The following STAG1 variants were observed in gnomAD, a reference collection of about 807,000 sequenced individuals.
STAG1 encodes STAG1 cohesin complex component, also known as cohesin subunit SA-1.
STAG1 carries 26 observed loss-of-function variants against 170.9 expected under a neutral mutation model. That is an observed-to-expected ratio of 0.15 (90% confidence interval 0.11 to 0.21). The LOEUF is 0.21. Among genes scored for constraint, STAG1 ranks in the 10% least tolerant of loss-of-function variants. STAG1 has a pLI of 1.00. For synonymous variants in STAG1, 514 were observed against 497.7 expected, an observed-to-expected ratio of 1.03 and a Z score of -0.44; for missense variants, 964 against 1,509.5, an observed-to-expected ratio of 0.64 and a Z score of 5.99.
At chr3:136,643,682 T>C (rs1032963732) in intron 1 of STAG1, among the ~76,000 whole-genome samples, 5 of 152,122 alleles carry the variant, frequency 3.3e-5, no homozygotes, top group African/African-American at 1.2e-4. Flanking sequence ...CTAATTTTTG[T>C]GTTTTTTGTA....
intron 16 of STAG1, among the ~76,000 whole-genome samples, chr3:136,429,337 G>A (rs998881262): frequency 2.6e-5 from 4 of 152,154 alleles, no homozygotes; most frequent in African/African-American, 9.7e-5. Flanking sequence ...AACCCGGGAG[G>A]TGGAGGTTGC....
At chr3:136,364,293 G>C (rs1936990365) in intron 25 of STAG1, among the ~76,000 whole-genome samples, 1 of 151,734 alleles carries the variant, frequency 6.6e-6, no homozygotes, top group African/African-American at 2.4e-5. Context: ...ATGTTGGCCA[G>C]GCTGGTCTTG....
intron 1 of STAG1, among the ~76,000 whole-genome samples, chr3:136,634,842 G>C (rs1182236645): frequency 6.6e-6 from 1 of 152,018 alleles, no homozygotes; most frequent in Non-Finnish European, 1.5e-5. Flanking sequence ...AAAAAAGAGA[G>C]AAGGGGCAAA....
chr3:136,621,499 G>A (rs1939846847), intron 3 of STAG1, among the ~76,000 whole-genome samples: 1 of 152,132 alleles, frequency 6.6e-6, no homozygotes, highest in African/African-American at 2.4e-5. Flanking sequence ...GCTTCCAAGT[G>A]CAAAACTCTC....
At chr3:136,346,443 C>T (rs953514315) in intron 29 of STAG1, among the ~76,000 whole-genome samples, 1 of 152,140 alleles carries the variant, frequency 6.6e-6, no homozygotes, top group African/African-American at 2.4e-5. Context: ...GTGCATGCAA[C>T]CCATCTTAGT....
At chr3:136,711,323 A>G (rs1366035239) in intron 1 of STAG1, among the ~76,000 whole-genome samples, 2 of 152,138 alleles carry the variant, frequency 1.3e-5, no homozygotes, top group South Asian at 2.1e-4. Flanking sequence ...TGGAAATGCA[A>G]AAGAACAGAC....
At chr3:136,349,014 C>A in intron 29 of STAG1, 144 bp downstream of exon 29, 1 of 663,082 alleles carries the variant, frequency 1.5e-6, no homozygotes, top group Non-Finnish European at 2.6e-6. Flanking sequence ...CTGTTTCAAC[C>A]TTTTTGCCTT....
At chr3:136,610,094 G>A (rs571990826) in intron 3 of STAG1, among the ~76,000 whole-genome samples, 1 of 151,844 alleles carries the variant, frequency 6.6e-6, no homozygotes, top group Non-Finnish European at 1.5e-5. Flanking sequence ...GAGTACAGTG[G>A]TGCGATCTCA....
intron 1 of STAG1, among the ~76,000 whole-genome samples, chr3:136,702,181 T>C (rs1312640665): frequency 6.6e-6 from 1 of 151,418 alleles, no homozygotes; most frequent in Non-Finnish European, 1.5e-5. Flanking sequence ...GTGGTGTGTG[T>C]GTAAAGACAT....
At chr3:136,415,805 G>C (rs2087755288) in intron 21 of STAG1, among the ~76,000 whole-genome samples, 1 of 151,994 alleles carries the variant, frequency 6.6e-6, no homozygotes, top group Non-Finnish European at 1.5e-5. Flanking sequence ...CTGGGTGACA[G>C]AGCGAGACTC....
intron 4 of STAG1, among the ~76,000 whole-genome samples, chr3:136,574,017 C>T (rs1188652031): frequency 1.3e-5 from 2 of 151,938 alleles, no homozygotes; most frequent in South Asian, 4.2e-4. Flanking sequence ...CCGAGGCAGG[C>T]GGATCAACAG....
At chr3:136,368,663 G>C (rs192731825) in intron 24 of STAG1, among the ~76,000 whole-genome samples, 20 of 152,224 alleles carry the variant, frequency 1.3e-4, no homozygotes, top group African/African-American at 4.8e-4. Context: ...GTGTGAGATG[G>C]ATAATATGAA....
intron 21 of STAG1, among the ~76,000 whole-genome samples, chr3:136,412,662 G>A (rs1249142509): frequency 6.6e-6 from 1 of 152,114 alleles, no homozygotes; most frequent in African/African-American, 2.4e-5. Flanking sequence ...TAAACATGCA[G>A]ATCAGACAAA....
chr3:136,651,101 A>T (rs1941202702), intron 1 of STAG1, among the ~76,000 whole-genome samples: 1 of 152,168 alleles, frequency 6.6e-6, no homozygotes, highest in Non-Finnish European at 1.5e-5. Flanking sequence ...ACTGTGGCTC[A>T]CACCTGTAAT....
chr3:136,593,171 G>A (rs1217524486), intron 4 of STAG1, among the ~76,000 whole-genome samples: 3 of 152,094 alleles, frequency 2.0e-5, no homozygotes, highest in African/African-American at 7.2e-5. Flanking sequence ...CTGGTCACTC[G>A]CGCATGTTTT....
intron 5 of STAG1, among the ~76,000 whole-genome samples, chr3:136,546,496 A>C (rs2107732518): frequency 6.6e-6 from 1 of 152,346 alleles, no homozygotes; most frequent in Admixed American, 6.5e-5. Flanking sequence ...TTTTAGTCAT[A>C]GGGAACTAAA....
intron 7 of STAG1, among the ~76,000 whole-genome samples, chr3:136,508,199 T>A (rs921778776): frequency 5.2e-4 from 79 of 152,318 alleles, no homozygotes; most frequent in African/African-American, 1.9e-3. Flanking sequence ...AATTACTTAA[T>A]CAAACACTAA....
intron 32 of STAG1, among the ~76,000 whole-genome samples, chr3:136,339,590 A>G (rs996635452): frequency 1.3e-5 from 2 of 152,182 alleles, no homozygotes; most frequent in African/African-American, 4.8e-5. Flanking sequence ...CTTAGAAAAT[A>G]CACAGAAAAA....
At chr3:136,728,454 C>T (rs1933813227) in intron 1 of STAG1, among the ~76,000 whole-genome samples, 1 of 152,162 alleles carries the variant, frequency 6.6e-6, no homozygotes, top group African/African-American at 2.4e-5. Context: ...CTTCTAATTA[C>T]TACCTATATA....
Sources: allele counts gnomAD v4.1 joint callset (sites outside exome capture counted in the v4.1 genomes callset), GRCh38; gene constraint gnomAD v4.1.1; transcripts MANE v1.5; gene names NCBI Gene and HGNC (gene_info 2026-07-23, HGNC 2026-07-21).